ENTPD5: variants seen among roughly 807,000 people sequenced by gnomAD.
ENTPD5 encodes nucleoside diphosphate phosphatase ENTPD5.
ENTPD5 carries 49 observed loss-of-function variants against 60.2 expected under a neutral mutation model. The observed-to-expected ratio is 0.81, with a 90% CI of 0.65 to 1.03. The LOEUF is 1.03. ENTPD5 is among the 50% of genes least tolerant of loss of function. ENTPD5 has a pLI of 0.00. For synonymous variants in ENTPD5, 187 were observed against 185.4 expected (o/e 1.01, Z -0.07); for missense variants, 480 against 507.6 (o/e 0.95, Z 0.52).
chr14:73,987,016 C>A, intron 4 of ENTPD5, 123 bp from the exon 5 acceptor site: 1 of 773,400 alleles, frequency 1.3e-6, no homozygotes, highest in East Asian at 2.6e-5. Flanking sequence ...CCAAATGATC[C>A]TAGTTGTGAG....
intron 14 of ENTPD5, among the ~76,000 whole-genome samples, chr14:73,971,444 A>T (rs71429029): frequency 6.6e-6 from 1 of 152,202 alleles, no homozygotes. Context: ...GGCGTGAGCC[A>T]CCGTGCCCGG....
At chr14:74,017,305 C>T (rs553779709) in intron 1 of ENTPD5, among the ~76,000 whole-genome samples, 19 of 137,760 alleles carry the variant, frequency 1.4e-4, no homozygotes, top group African/African-American at 5.2e-4. Context: ...GAAACAAGAG[C>T]GAAACTCCAT....
In ENTPD5 at chr14:73,988,161, C is replaced by A; in HGVS notation, c.-59G>T. On this transcript the variant is annotated 5_prime_UTR_variant, in exon 4 of 16. Coordinates refer to ENST00000334696, the MANE Select transcript of ENTPD5 (RefSeq NM_001249.5). Reference sequence around the variant, plus strand: ...TGTTGCAGAAGCAATCCTGCTCGCACACCTGCAGAGGCTTATAGGACAAAG... The same window carrying A: ...TGTTGCAGAAGCAATCCTGCTCGCAAACCTGCAGAGGCTTATAGGACAAAG... 2 of 1,548,968 alleles carry A rather than the reference C, an allele frequency of 1.3e-6. No individual in the cohort carries two copies. The highest frequency in any genetic ancestry group is 1.2e-5 in the South Asian group (1 of 83,354).
chr14:74,001,415 T>G (rs185547058), intron 3 of ENTPD5, among the ~76,000 whole-genome samples: 1 of 151,342 alleles, frequency 6.6e-6, no homozygotes, highest in Admixed American at 6.6e-5. Context: ...GGCAGGAGAA[T>G]GACGTGAACC....
Position 73,963,818 on chromosome 14 carries a change from C to A in ENTPD5, c.*3110G>T, listed in dbSNP as rs1181019164. The A allele has an allele frequency of 6.6e-6, 1 of 152,088 alleles. No homozygotes were observed. The highest frequency in any genetic ancestry group is 2.4e-5 in the African/African-American group (1 of 41,408). 9.4% of individuals were successfully genotyped at this position (152,088 alleles called of 1,614,324 possible). A position where few individuals can be genotyped will look rare whatever the true frequency, so the allele number is the denominator to read the frequency against. ...TGCTTACTCTAAAGAACATCTTGCC[C>A]AGAAGTCTGATTTGAGATGAAATGA... On this transcript the variant is annotated 3_prime_UTR_variant, in exon 16 of 16. Transcript: ENST00000334696.
downstream of ENTPD5, chr14:73,956,139 A>G: frequency 1.9e-6 from 1 of 532,812 alleles, no homozygotes; most frequent in Non-Finnish European, 3.4e-6. Context: ...CCTGGCTAAC[A>G]TGGTGAAACC....
At chr14:74,009,678 A>G (rs1230952816) in intron 3 of ENTPD5, among the ~76,000 whole-genome samples, 1 of 152,182 alleles carries the variant, frequency 6.6e-6, no homozygotes, top group African/African-American at 2.4e-5. Flanking sequence ...GCTGCAGTGG[A>G]GCAATCACAG....
chr14:73,956,084 G>A, downstream of ENTPD5: 1 of 1,026,760 alleles, frequency 9.7e-7, no homozygotes. Context: ...CAGCACTTTT[G>A]GAGGCTAAGG....
rs766246868 is a variant in ENTPD5, at chr14:73,988,153, T to C, written c.-51A>G. 43 of 1,560,618 alleles carry C rather than the reference T, an allele frequency of 2.8e-5. No homozygotes were observed. The highest frequency in any genetic ancestry group is 3.6e-5 in the Non-Finnish European group (42 of 1,152,198). ...GAGGCTTTTGTTGCAGAAGCAATCC[T>C]GCTCGCACACCTGCAGAGGCTTATA... On this transcript the variant is annotated 5_prime_UTR_variant, in exon 4 of 16. Transcript: ENST00000334696.
At chr14:73,955,884 A>G (rs893368562), downstream of ENTPD5, 1 of 1,614,144 alleles carries the variant, frequency 6.2e-7, no homozygotes, top group African/African-American at 1.3e-5. Context: ...GTGGAGAATG[A>G]TGTCATCATG....
intron 3 of ENTPD5, among the ~76,000 whole-genome samples, chr14:74,006,583 C>CTT (rs753313229): frequency 2.1e-5 from 3 of 140,848 alleles, no homozygotes; most frequent in Non-Finnish European, 1.6e-5. Context: ...ACACCCGGCC[C>CTT]TTTTTTTTTT....
At chr14:73,957,101 A>ATT (rs1418106208), downstream of ENTPD5, among the ~76,000 whole-genome samples, 21 of 143,578 alleles carry the variant, frequency 1.5e-4, no homozygotes, top group African/African-American at 5.1e-4. Flanking sequence ...TATTATTATT[A>ATT]TTTTTTTTTT....
chr14:73,991,471 C>T (rs1000655986), intron 3 of ENTPD5, among the ~76,000 whole-genome samples: 3 of 151,826 alleles, frequency 2.0e-5, no homozygotes, highest in Non-Finnish European at 2.9e-5. Context: ...GCTTGTAATC[C>T]CAGCTACTCA....
chr14:73,983,093 C>A lies in ENTPD5; in HGVS notation c.366G>T (p.Lys122Asn). ...KDSIPRSHWK[K>N]TPVVLKATAG... Reference sequence around the variant, plus strand: ...CTGTTGCCTTTAGGACCACTGGGGTCTTTTTCCAGTGACTTCGGGGGATTG... The same window carrying A: ...CTGTTGCCTTTAGGACCACTGGGGTATTTTTCCAGTGACTTCGGGGGATTG... The change falls in exon 6 of 16, where the codon AAG becomes AAT. Residue 122 changes from lysine (K) to asparagine (N), a missense_variant. By Grantham distance (94) the Lys-to-Asn change is moderately conservative. Coordinates refer to ENST00000334696, the MANE Select transcript of ENTPD5 (RefSeq NM_001249.5). The A allele has an allele frequency of 6.2e-7, 1 of 1,614,114 alleles. No homozygotes were observed. Among genetic ancestry groups the A allele is most frequent in the Non-Finnish European group, 8.5e-7 (1 of 1,179,966 alleles).
chr14:73,994,631 G>C (rs2058270890), intron 3 of ENTPD5, among the ~76,000 whole-genome samples: 1 of 151,534 alleles, frequency 6.6e-6, no homozygotes, highest in Non-Finnish European at 1.5e-5. Context: ...TACTTGGGAG[G>C]CTGAGTCAGG....
downstream of ENTPD5, chr14:73,961,553 T>C: frequency 6.2e-7 from 1 of 1,614,124 alleles, no homozygotes; most frequent in Non-Finnish European, 8.5e-7. Context: ...ACGGCAGCCT[T>C]CAATGGGAAG....
chr14:73,970,158 T>G, intron 14 of ENTPD5, 33 bp from the exon 15 acceptor site: 1 of 1,484,690 alleles, frequency 6.7e-7, no homozygotes, highest in Non-Finnish European at 9.4e-7. Context: ...GAGCTCAAGT[T>G]TGCAACTAAC....
chr14:73,955,329 T>C, downstream of ENTPD5: 1 of 785,386 alleles, frequency 1.3e-6, no homozygotes, highest in Non-Finnish European at 2.3e-6. Context: ...TCAAACAAGA[T>C]AGAAGTGGAG....
intron 3 of ENTPD5, among the ~76,000 whole-genome samples, chr14:73,992,778 G>A (rs938103046): frequency 2.7e-5 from 4 of 150,820 alleles, no homozygotes; most frequent in South Asian, 2.1e-4. Flanking sequence ...CGAGGCGGGC[G>A]GATCACTTGA....
Sources: gnomAD v4.1 joint callset for allele counts (sites outside exome capture counted in the v4.1 genomes callset) on GRCh38, gnomAD v4.1.1 for gene constraint, MANE v1.5 for transcripts, NCBI Gene and HGNC (gene_info 2026-07-23, HGNC 2026-07-21) for gene names.